SMIM13: variants seen among roughly 807,000 people sequenced by gnomAD.
SMIM13 encodes the protein UPF0766 protein C6orf228.
SMIM13 carries 3 observed loss-of-function variants against 5.9 expected under a neutral mutation model. The observed-to-expected ratio is 0.51, with a 90% CI of 0.23 to 1.31. The LOEUF (loss-of-function observed/expected upper bound fraction) is 1.31. Ranked by LOEUF, SMIM13 falls within the 40% of genes most tolerant of loss-of-function variation. The pLI, the probability that SMIM13 is intolerant of heterozygous loss-of-function variation, is 0.18. For synonymous variants in SMIM13, 55 were observed against 46.0 expected (o/e 1.19, Z -0.79); for missense variants, 85 against 109.9 (o/e 0.77, Z 1.01).
intron 1 of SMIM13, among the ~76,000 whole-genome samples, chr6:11,111,395 C>A (rs887214703): frequency 5.9e-5 from 9 of 152,276 alleles, no homozygotes; most frequent in Admixed American, 5.2e-4. Flanking sequence ...CCAGATACTA[C>A]ATGGTTGTAG....
intron 1 of SMIM13, among the ~76,000 whole-genome samples, chr6:11,101,854 C>G (rs1385111578): frequency 6.6e-6 from 1 of 151,944 alleles, no homozygotes; most frequent in Non-Finnish European, 1.5e-5. Flanking sequence ...ATTCTCCTGC[C>G]TCAGCCACCC....
At chr6:11,101,667 G>T (rs1234780673) in intron 1 of SMIM13, among the ~76,000 whole-genome samples, 1 of 151,776 alleles carries the variant, frequency 6.6e-6, no homozygotes, top group African/African-American at 2.4e-5. Context: ...TCTGTAGGGT[G>T]TCTTTAAACT....
intron 1 of SMIM13, among the ~76,000 whole-genome samples, chr6:11,129,208 C>T (rs932477737): frequency 4.6e-5 from 7 of 152,172 alleles, no homozygotes; most frequent in African/African-American, 9.6e-5. Context: ...TCCCGGACTC[C>T]GATAACCATC....
At chr6:11,124,708 A>G (rs756123743) in intron 1 of SMIM13, among the ~76,000 whole-genome samples, 21 of 152,168 alleles carry the variant, frequency 1.4e-4, no homozygotes, top group Admixed American at 4.6e-4. Context: ...GATAAAAGCC[A>G]TTTTAACTGG....
chr6:11,099,520 G>GT (rs1309254479), intron 1 of SMIM13, among the ~76,000 whole-genome samples: 1 of 152,162 alleles, frequency 6.6e-6, no homozygotes, highest in Non-Finnish European at 1.5e-5. Context: ...ACACTAGAGG[G>GT]TAAGGCCCAA....
chr6:11,121,863 C>T (rs542653279), intron 1 of SMIM13, among the ~76,000 whole-genome samples: 1 of 152,282 alleles, frequency 6.6e-6, no homozygotes, highest in East Asian at 1.9e-4. Context: ...CAGCATTGCT[C>T]CACTCATCAG....
chr6:11,110,512 C>T (rs1204074290), intron 1 of SMIM13, among the ~76,000 whole-genome samples: 1 of 152,184 alleles, frequency 6.6e-6, no homozygotes, highest in Non-Finnish European at 1.5e-5. Context: ...CTGGACTTCT[C>T]TCCCTTCAAA....
intron 1 of SMIM13, among the ~76,000 whole-genome samples, chr6:11,131,591 T>G (rs752134432): frequency 1.3e-5 from 2 of 152,162 alleles, no homozygotes; most frequent in Non-Finnish European, 2.9e-5. Context: ...TACAGGTTAA[T>G]GGGATGGAAT....
At chr6:11,113,182 T>C (rs373730836) in intron 1 of SMIM13, among the ~76,000 whole-genome samples, 5 of 152,350 alleles carry the variant, frequency 3.3e-5, no homozygotes, top group East Asian at 3.9e-4. Context: ...GGTGTAGACA[T>C]ATGTTTTCAT....
chr6:11,133,282 G>A (rs934719872), intron 1 of SMIM13, among the ~76,000 whole-genome samples: 1 of 152,118 alleles, frequency 6.6e-6, no homozygotes, highest in African/African-American at 2.4e-5. Context: ...TTTGGTTCAG[G>A]TAACACTCAG....
At chr6:11,104,752 C>T (rs1264310162) in intron 1 of SMIM13, 2 of 1,614,208 alleles carry the variant, frequency 1.2e-6, no homozygotes, top group Admixed American at 3.3e-5. Context: ...CTGGATTTAT[C>T]TAGCAAAGTT....
chr6:11,118,166 T>C lies in SMIM13; in HGVS notation c.77-16237T>C, dbSNP rs576213574. 6.9e-5 allele frequency among the ~76,000 whole-genome samples: 7 copies of C among 100,804 alleles called. No individual in the cohort carries two copies. The East Asian group carries it at 1.4e-3, about 20-fold the overall frequency. 66.1% of individuals were successfully genotyped at this position (100,804 alleles called of 152,430 possible). On this transcript the variant is annotated intron_variant, in intron 1 of 1. Coordinates refer to ENST00000416247, the MANE Select transcript of SMIM13 (RefSeq NM_001135575.2). ...GTTTAAAGGCATGAACCACCACCTA[T>C]GGCCAGTATATGGTTTGCCTTTGTG... is the stretch of plus-strand genomic sequence containing the variant.
intron 1 of SMIM13, among the ~76,000 whole-genome samples, chr6:11,118,743 A>T (rs1758272754): frequency 6.6e-6 from 1 of 152,176 alleles, no homozygotes; most frequent in Non-Finnish European, 1.5e-5. Flanking sequence ...CTTAGAGGGG[A>T]GGAGGTTGGA....
chr6:11,114,809 A>G (rs944227960), intron 1 of SMIM13, among the ~76,000 whole-genome samples: 25 of 151,908 alleles, frequency 1.6e-4, no homozygotes, highest in Non-Finnish European at 1.5e-5. Flanking sequence ...CATGTTGATC[A>G]GGCTGGTCTC....
At chr6:11,094,722 GTGAT>G (rs1335389148) in intron 1 of SMIM13, among the ~76,000 whole-genome samples, 4 of 152,328 alleles carry the variant, frequency 2.6e-5, no homozygotes, top group South Asian at 4.1e-4. Flanking sequence ...CGAAGGTGAA[GTGAT>G]TGATTGGTCC....
Position 11,135,928 on chromosome 6 carries a change from A to G in SMIM13, c.*1326A>G, listed in dbSNP as rs1250424837. On this transcript the variant is annotated 3_prime_UTR_variant, in exon 2 of 2. Transcript: ENST00000416247. ...ATTAAAAATGGTAGCTTGTAAATTT[A>G]TTTTTCTTTTTAAGATAGCAGTTAT... 1 of 151,848 alleles carries G rather than the reference A, an allele frequency of 6.6e-6. No homozygotes were observed. The highest frequency in any genetic ancestry group is 2.4e-5 in the African/African-American group (1 of 41,312). 9.4% of individuals were successfully genotyped at this position (151,848 alleles called of 1,614,324 possible).
rs1227955563 is a variant in SMIM13 at position 11,136,104 on chromosome 6, G to C, written c.*1502G>C. ...TTCTACTTTAGGAAGAGTGGGATTA[G>C]TTACTCCCTTTGTATAGGAGGACTT... On this transcript the variant is annotated 3_prime_UTR_variant, in exon 2 of 2. Coordinates refer to ENST00000416247, the MANE Select transcript of SMIM13 (RefSeq NM_001135575.2). 2.0e-5 allele frequency: 3 copies of C among 152,192 alleles called. No individual in the cohort carries two copies. The highest frequency in any genetic ancestry group is 2.9e-5 in the Non-Finnish European group (2 of 68,026). The allele number at this position is 152,192 out of a possible 1,614,324, so 9.4% of individuals were successfully genotyped here.
At chr6:11,099,341 G>A (rs1409838366) in intron 1 of SMIM13, among the ~76,000 whole-genome samples, 1 of 151,990 alleles carries the variant, frequency 6.6e-6, no homozygotes, top group African/African-American at 2.4e-5. Context: ...CACCCGGCTG[G>A]TTTTTGTATT....
rs866094391 is a variant in SMIM13 at position 11,093,861 on chromosome 6, C to G, written c.-453C>G. Reference sequence around the variant, plus strand: ...AGAAGCCGCTACAGCCGCGGCCGGGCGACGCTGACATCTGGCATCCCTGGG... The same window carrying G: ...AGAAGCCGCTACAGCCGCGGCCGGGGGACGCTGACATCTGGCATCCCTGGG... On this transcript the variant is annotated 5_prime_UTR_variant, in exon 1 of 2. Coordinates refer to ENST00000416247, the MANE Select transcript of SMIM13 (RefSeq NM_001135575.2). 1.3e-5 allele frequency among the ~76,000 whole-genome samples: 2 copies of G among 152,236 alleles called. No homozygotes were observed. The highest frequency in any genetic ancestry group is 2.9e-5 in the Non-Finnish European group (2 of 68,040).
Sources: gnomAD v4.1 joint callset for allele counts (sites outside exome capture counted in the v4.1 genomes callset) on GRCh38, gnomAD v4.1.1 for gene constraint, MANE v1.5 for transcripts, NCBI Gene and HGNC (gene_info 2026-07-23, HGNC 2026-07-21) for gene names.